Variants in B3GALT1 observed in about 807,000 individuals in gnomAD.
B3GALT1 encodes the protein beta-1,3-galactosyltransferase 1.
B3GALT1 carries 10 observed loss-of-function variants against 23.2 expected under a neutral mutation model. The ratio of observed to expected loss-of-function variants is 0.43; its 90% CI spans 0.27 to 0.73. The LOEUF (loss-of-function observed/expected upper bound fraction) is 0.73. Ranked by LOEUF, B3GALT1 falls within the 30% of genes least tolerant of loss-of-function variation. The pLI, the probability that B3GALT1 is intolerant of heterozygous loss-of-function variation, is 0.21. For missense variants in B3GALT1, 299 were observed against 405.4 expected, an observed-to-expected ratio of 0.74 and a Z score of 2.25; for synonymous variants, 156 against 141.5, an observed-to-expected ratio of 1.10 and a Z score of -0.73.
chr2:167,336,133 G>T (rs888470393), intron 1 of B3GALT1, among the ~76,000 whole-genome samples: 6 of 152,140 alleles, frequency 3.9e-5, no homozygotes, highest in African/African-American at 1.4e-4. Context: ...GGGAACCTTA[G>T]TGGAGTTCAG....
chr2:167,571,909 A>G (rs557759316), intron 2 of B3GALT1, among the ~76,000 whole-genome samples: 18 of 152,058 alleles, frequency 1.2e-4, no homozygotes, highest in Admixed American at 9.2e-4. Flanking sequence ...AAGGAAGGAT[A>G]GAAAGAAAAG....
chr2:167,418,021 C>T (rs1183124394), intron 1 of B3GALT1, among the ~76,000 whole-genome samples: 3 of 152,196 alleles, frequency 2.0e-5, no homozygotes, highest in Non-Finnish European at 4.4e-5. Context: ...AGTTTCTTAG[C>T]CCTTAAAAAT....
intron 3 of B3GALT1, among the ~76,000 whole-genome samples, chr2:167,745,721 G>A (rs1337960493): frequency 6.6e-6 from 1 of 151,776 alleles, no homozygotes; most frequent in Non-Finnish European, 1.5e-5. Flanking sequence ...TTATCTTGGT[G>A]TTCTGCAGTT....
At chr2:167,401,978 C>A (rs1458922075) in intron 1 of B3GALT1, among the ~76,000 whole-genome samples, 1 of 152,042 alleles carries the variant, frequency 6.6e-6, no homozygotes, top group East Asian at 1.9e-4. Context: ...GGGTTGTTGC[C>A]AATAAATGGT....
intron 2 of B3GALT1, among the ~76,000 whole-genome samples, chr2:167,525,007 A>G (rs987277746): frequency 1.3e-5 from 2 of 152,348 alleles, no homozygotes; most frequent in African/African-American, 4.8e-5. Context: ...GTTGCAGTAA[A>G]CTATCATGTG....
intron 3 of B3GALT1, among the ~76,000 whole-genome samples, chr2:167,769,155 C>G (rs1688028521): frequency 6.6e-6 from 1 of 152,152 alleles, no homozygotes; most frequent in Admixed American, 6.5e-5. Context: ...GCCAAGCAAT[C>G]TCTCTGGGGT....
chr2:167,425,766 G>T (rs545064652), intron 1 of B3GALT1, among the ~76,000 whole-genome samples: 1 of 151,786 alleles, frequency 6.6e-6, no homozygotes, highest in African/African-American at 2.4e-5. Context: ...ATGATTTATC[G>T]ACTTTGTACA....
chr2:167,463,063 GAAGGT>G, intron 1 of B3GALT1, among the ~76,000 whole-genome samples: 2 of 152,190 alleles, frequency 1.3e-5, no homozygotes, highest in Middle Eastern at 6.8e-3. Flanking sequence ...GCCTTTTCCT[GAAGGT>G]ACAACTTAAG....
intron 2 of B3GALT1, among the ~76,000 whole-genome samples, chr2:167,618,941 T>C (rs1032948292): frequency 1.3e-5 from 2 of 151,962 alleles, no homozygotes; most frequent in Non-Finnish European, 2.9e-5. Context: ...ACCCTAATGT[T>C]ACCTTTTTTT....
At chr2:167,622,978 A>G (rs773983774) in intron 2 of B3GALT1, among the ~76,000 whole-genome samples, 2 of 152,070 alleles carry the variant, frequency 1.3e-5, no homozygotes, top group Admixed American at 6.6e-5. Context: ...TTCTCCTCAA[A>G]TATATTGTTA....
At chr2:167,596,378 T>C (rs936996801) in intron 2 of B3GALT1, among the ~76,000 whole-genome samples, 7 of 152,202 alleles carry the variant, frequency 4.6e-5, no homozygotes, top group African/African-American at 1.7e-4. Context: ...GGCAGTGTGC[T>C]GTAGTTGAGA....
At chr2:167,430,991 T>C (rs1698697753) in intron 1 of B3GALT1, among the ~76,000 whole-genome samples, 1 of 152,232 alleles carries the variant, frequency 6.6e-6, no homozygotes, top group African/African-American at 2.4e-5. Context: ...TCCCATATTA[T>C]TTCTTATAAC....
At chr2:167,324,027 G>A (rs766629771) in intron 1 of B3GALT1, among the ~76,000 whole-genome samples, 3 of 151,972 alleles carry the variant, frequency 2.0e-5, no homozygotes, top group African/African-American at 4.8e-5. Flanking sequence ...GGCCACAGTC[G>A]TCTTGATGGT....
rs182302487 is a variant in B3GALT1 at position 167,517,197 on chromosome 2, G to T, written c.-410+26920G>T. Among the ~76,000 whole-genome samples, 836 of 151,748 alleles carry T rather than the reference G, an allele frequency of 5.5e-3. 9 individuals carry two copies. Among genetic ancestry groups the T allele is most frequent in the African/African-American group, 0.019 (805 of 41,400 alleles). On this transcript the variant is annotated intron_variant, in intron 2 of 4. Transcript: ENST00000392690. ...TCTTCTCTCTGTTAAAACATCACTTGCTACTTTGGGGTTTTATTGTTAAGG... is the reference window on the plus strand; with the variant it reads ...TCTTCTCTCTGTTAAAACATCACTTTCTACTTTGGGGTTTTATTGTTAAGG...
intron 1 of B3GALT1, among the ~76,000 whole-genome samples, chr2:167,382,660 C>A (rs1412634119): frequency 1.3e-5 from 2 of 152,118 alleles, no homozygotes; most frequent in African/African-American, 4.8e-5. Flanking sequence ...TGAAATTAAA[C>A]TTGGTGAATA....
At chr2:167,630,597 C>T (rs1246495758) in intron 2 of B3GALT1, among the ~76,000 whole-genome samples, 2 of 150,876 alleles carry the variant, frequency 1.3e-5, no homozygotes, top group Admixed American at 1.3e-4. Context: ...AGTGAAGTGT[C>T]ATGATATCTG....
At chr2:167,446,309 C>T (rs948334287) in intron 1 of B3GALT1, among the ~76,000 whole-genome samples, 9 of 152,240 alleles carry the variant, frequency 5.9e-5, no homozygotes, top group East Asian at 1.9e-4. Flanking sequence ...TTTTCCTTCA[C>T]TTCAACTTTG....
intron 3 of B3GALT1, among the ~76,000 whole-genome samples, chr2:167,764,616 T>C (rs1045849259): frequency 6.6e-6 from 1 of 152,234 alleles, no homozygotes; most frequent in African/African-American, 2.4e-5. Flanking sequence ...TTAATAAGTT[T>C]TATAATTATA....
Position 167,715,036 on chromosome 2 carries a change from C to T in B3GALT1, c.-352+68070C>T, listed in dbSNP as rs557581701. The T allele has an allele frequency of 6.2e-6, 10 of 1,611,590 alleles. No homozygotes were observed. In the East Asian group the frequency reaches 1.6e-4, roughly 25 times the overall value. ...CGGTAAGCTCTTCCTTTGTTTTGTC[C>T]ACTTCAGATAACTGAATAATAATGT... On this transcript the variant is annotated intron_variant, in intron 3 of 4. Transcript: ENST00000392690.
Sources: gnomAD v4.1 joint callset for allele counts (sites outside exome capture counted in the v4.1 genomes callset) on GRCh38, gnomAD v4.1.1 for gene constraint, MANE v1.5 for transcripts, NCBI Gene and HGNC (gene_info 2026-07-23, HGNC 2026-07-21) for gene names.